Variants in RBFOX3 observed in about 807,000 individuals in gnomAD.
RBFOX3 encodes RNA binding fox-1 homolog 3.
Under a neutral mutation model 48.7 loss-of-function variants are expected in RBFOX3, and 17 were observed. The observed-to-expected ratio is 0.35, with a 90% CI of 0.24 to 0.52. The LOEUF (loss-of-function observed/expected upper bound fraction) is 0.52. Ranked by LOEUF, RBFOX3 falls within the 20% of genes least tolerant of loss-of-function variation. The pLI, the probability that RBFOX3 is intolerant of heterozygous loss-of-function variation, is 0.94. For missense variants in RBFOX3, 382 were observed against 497.5 expected, an observed-to-expected ratio of 0.77 and a Z score of 2.21; for synonymous variants, 212 against 209.5, an observed-to-expected ratio of 1.01 and a Z score of -0.10.
At chr17:79,514,384 G>A (rs1166504976) in intron 1 of RBFOX3, among the ~76,000 whole-genome samples, 1 of 152,214 alleles carries the variant, frequency 6.6e-6, no homozygotes, top group Non-Finnish European at 1.5e-5. Context: ...CCAAGCAGTG[G>A]GCCACTATTG....
At position 79,337,245 on chromosome 17, in the gene RBFOX3, G is replaced by A. The variant is rs118006099; in HGVS notation, c.-174-29421C>T. 5.5e-4 allele frequency among the ~76,000 whole-genome samples: 83 copies of A among 151,888 alleles called. No homozygotes were observed. The East Asian group carries it at 0.013, about 24-fold the overall frequency. On this transcript the variant is annotated intron_variant, in intron 2 of 14. Transcript: ENST00000693108. ...TAGGACTTTTCAAAGGAAACATTGTGCTTACCTGACAAAAAAAAAATTAAT... is the reference window on the plus strand; with the variant it reads ...TAGGACTTTTCAAAGGAAACATTGTACTTACCTGACAAAAAAAAAATTAAT...
intron 1 of RBFOX3, among the ~76,000 whole-genome samples, chr17:79,529,687 G>A (rs1555786820): frequency 7.2e-5 from 11 of 152,220 alleles, no homozygotes; most frequent in African/African-American, 2.4e-5. Flanking sequence ...TGGGGACACC[G>A]CTGAGATGAT....
intron 2 of RBFOX3, among the ~76,000 whole-genome samples, chr17:79,440,756 C>A (rs1314436786): frequency 6.6e-6 from 1 of 151,972 alleles, no homozygotes; most frequent in Admixed American, 6.5e-5. Context: ...TTCCCCATGG[C>A]CATTAGCCCC....
At chr17:79,433,132 ACG>A (rs2068770960) in intron 2 of RBFOX3, among the ~76,000 whole-genome samples, 1 of 152,148 alleles carries the variant, frequency 6.6e-6, no homozygotes, top group Non-Finnish European at 1.5e-5. Flanking sequence ...GCAGGGAGAC[ACG>A]GTCACTCAGA....
At chr17:79,453,462 G>T (rs1264069599) in intron 2 of RBFOX3, among the ~76,000 whole-genome samples, 1 of 152,196 alleles carries the variant, frequency 6.6e-6, no homozygotes, top group Non-Finnish European at 1.5e-5. Flanking sequence ...CATCTCCTTG[G>T]CACCCTTTGG....
At chr17:79,116,766 C>T (rs942123012) in intron 4 of RBFOX3, among the ~76,000 whole-genome samples, 15 of 152,234 alleles carry the variant, frequency 9.9e-5, no homozygotes, top group Middle Eastern at 3.2e-3. Context: ...CTGCCCCAAG[C>T]GGGGAATACT....
chr17:79,599,500 C>A (rs1440894833), intron 1 of RBFOX3: 2 of 152,254 alleles, frequency 1.3e-5, no homozygotes, highest in African/African-American at 4.8e-5. Flanking sequence ...GACCGTGAAG[C>A]CACCGCAGCA....
chr17:79,467,704 T>A (rs2076501727), intron 2 of RBFOX3, among the ~76,000 whole-genome samples: 2 of 152,186 alleles, frequency 1.3e-5, no homozygotes, highest in Admixed American at 6.5e-5. Flanking sequence ...CTGGAACGTG[T>A]GCCCCACCTG....
chr17:79,489,090 C>T (rs1208225687), intron 1 of RBFOX3, among the ~76,000 whole-genome samples: 7 of 152,014 alleles, frequency 4.6e-5, no homozygotes, highest in African/African-American at 1.7e-4. Flanking sequence ...ATTTGGCTTC[C>T]TGGAGGGACT....
intron 4 of RBFOX3, among the ~76,000 whole-genome samples, chr17:79,119,883 A>C (rs906162781): frequency 2.6e-5 from 4 of 152,208 alleles, no homozygotes; most frequent in Admixed American, 6.5e-5. Context: ...GAGGCCACTT[A>C]CAACCAATGT....
chr17:79,543,763 A>G (rs933708319), intron 1 of RBFOX3, among the ~76,000 whole-genome samples: 2 of 152,074 alleles, frequency 1.3e-5, no homozygotes, highest in Non-Finnish European at 2.9e-5. Context: ...TGAATTCCAC[A>G]GCACCGTGTG....
At chr17:79,241,925 G>A (rs532919894) in intron 3 of RBFOX3, among the ~76,000 whole-genome samples, 1 of 152,272 alleles carries the variant, frequency 6.6e-6, no homozygotes, top group South Asian at 2.1e-4. Flanking sequence ...ACCTCCCAAA[G>A]GTCCCATCTC....
intron 4 of RBFOX3, among the ~76,000 whole-genome samples, chr17:79,162,029 C>T (rs2047086902): frequency 6.6e-6 from 1 of 152,182 alleles, no homozygotes; most frequent in Non-Finnish European, 1.5e-5. Flanking sequence ...TACAAAACCG[C>T]TCACAGACTT....
chr17:79,366,799 ATGT>A (rs1410687966), intron 2 of RBFOX3, among the ~76,000 whole-genome samples: 2 of 152,162 alleles, frequency 1.3e-5, no homozygotes, highest in Non-Finnish European at 2.9e-5. Context: ...TTCCTAGCAG[ATGT>A]TGTGCTGGCC....
chr17:79,145,480 C>T (rs1486443841), intron 4 of RBFOX3, among the ~76,000 whole-genome samples: 1 of 152,214 alleles, frequency 6.6e-6, no homozygotes, highest in Non-Finnish European at 1.5e-5. Flanking sequence ...GTGGTGATTC[C>T]AATGTGCAAC....
At chr17:79,328,245 G>GCCT in intron 2 of RBFOX3, among the ~76,000 whole-genome samples, 1 of 152,178 alleles carries the variant, frequency 6.6e-6, no homozygotes, top group Non-Finnish European at 1.5e-5. Context: ...CAGGGGCAAG[G>GCCT]ACCCCTTTTG....
intron 5 of RBFOX3, among the ~76,000 whole-genome samples, chr17:79,114,505 G>GTA (rs1306665821): frequency 6.6e-6 from 1 of 152,326 alleles, no homozygotes; most frequent in East Asian, 1.9e-4. Context: ...GCTGGAGGAA[G>GTA]CCCCTGCCCA....
At position 79,361,164 on chromosome 17, in the gene RBFOX3, T is replaced by G. The variant is rs2086276676; in HGVS notation, c.-174-53340A>C. ...GGTGACAGACAGCTGTCACCCTCCC[T>G]CTGCTAACATCAGGCTGTTCCCCAG... On this transcript the variant is annotated intron_variant, in intron 2 of 14. Transcript: ENST00000693108. This position sits in a 1 kb window ranked among gnomAD's most constrained non-coding sequence, Gnocchi z 4.5. Among the ~76,000 whole-genome samples, 1 of 152,100 alleles carries G rather than the reference T, an allele frequency of 6.6e-6. No individual in the cohort carries two copies. The highest frequency in any genetic ancestry group is 2.1e-4 in the South Asian group (1 of 4,832).
chr17:79,110,128 C>G (rs1200167293), intron 5 of RBFOX3, among the ~76,000 whole-genome samples: 1 of 84,938 alleles, frequency 1.2e-5, no homozygotes, highest in South Asian at 3.6e-4. Context: ...CTTTCCCCCA[C>G]TCAAAAAAAA....
Sources: allele counts gnomAD v4.1 joint callset (sites outside exome capture counted in the v4.1 genomes callset), GRCh38; gene constraint gnomAD v4.1.1; non-coding constraint Gnocchi (gnomAD v3.1); transcripts MANE v1.5; gene names NCBI Gene and HGNC (gene_info 2026-07-23, HGNC 2026-07-21).